Variants in MYL10 observed in about 807,000 individuals in gnomAD.
The protein encoded by MYL10 is myosin light chain 10.
In MYL10, 18 loss-of-function variants were observed where a neutral mutation model predicts 21.9. The observed-to-expected ratio is 0.82, with a 90% CI of 0.57 to 1.22. MYL10 has a LOEUF of 1.22. Among genes scored for constraint, MYL10 ranks in the 50% most tolerant of loss-of-function variants. The pLI, the probability that MYL10 is intolerant of heterozygous loss-of-function variation, is 0.00. For synonymous variants in MYL10, 88 were observed against 82.8 expected, an observed-to-expected ratio of 1.06 and a Z score of -0.34; for missense variants, 225 against 230.4, an observed-to-expected ratio of 0.98 and a Z score of 0.15.
At position 101,613,542 on chromosome 7, in the gene MYL10, T is replaced by A; in HGVS notation, c.614A>T (p.Asp205Val). The A allele has an allele frequency of 6.2e-7, 1 of 1,614,092 alleles. No individual in the cohort carries two copies. Among genetic ancestry groups the A allele is most frequent in the Middle Eastern group, 1.6e-4 (1 of 6,062 alleles). The change falls in exon 8 of 8, where the codon GAT becomes GTT. Residue 205 changes from aspartate to valine, a missense_variant. Transcript: ENST00000223167. ...VKQMFAAFPP[D>V]VCGNLDYRNL... ...TCTGTAGTCCAGGTTGCCGCACACATCTGGGGGAAATGCTGCAAACATCTG... is the reference window on the plus strand; with the variant it reads ...TCTGTAGTCCAGGTTGCCGCACACAACTGGGGGAAATGCTGCAAACATCTG...
rs201884702 is a variant in MYL10, at chr7:101,616,226, G to C, written c.527C>G (p.Ala176Gly). The C allele has an allele frequency of 1.2e-6, 2 of 1,614,008 alleles. No homozygotes were observed. Among genetic ancestry groups the C allele is most frequent in the Non-Finnish European group, 1.7e-6 (2 of 1,179,890 alleles). Residue 176 changes from alanine to glycine, a missense_variant, in exon 6 of 8, where the codon GCC becomes GGC. By Grantham distance (60) the Ala-to-Gly change is moderately conservative. Transcript: ENST00000223167. ...FDTEGKGFVK[A>G]DVIKEKLMTQ... ...GGAGTCAGGGGAAACTTACACATCG[G>C]CCTTGACGAAACCTTTCCCTTCAGT... is the stretch of plus-strand genomic sequence containing the variant.
chr7:101,618,117 G>C (rs1208979489), intron 5 of MYL10, among the ~76,000 whole-genome samples: 1 of 152,256 alleles, frequency 6.6e-6, no homozygotes, highest in African/African-American at 2.4e-5. Flanking sequence ...CTGGCACAGA[G>C]TGAAAAAACC....
At position 101,616,242 on chromosome 7, in the gene MYL10, T is replaced by C; in HGVS notation, c.511A>G (p.Lys171Glu). 1 of 1,614,084 alleles carries C rather than the reference T, an allele frequency of 6.2e-7. No individual in the cohort carries two copies. Among genetic ancestry groups the C allele is most frequent in the Non-Finnish European group, 8.5e-7 (1 of 1,179,982 alleles). The change falls in exon 6 of 8, where the codon AAA (lysine) becomes GAA (glutamate). Residue 171 changes from lysine to glutamate, a missense_variant. Coordinates refer to ENST00000223167, the MANE Select transcript of MYL10 (RefSeq NM_138403.5). ...TACACATCGGCCTTGACGAAACCTT[T>C]CCCTTCAGTGTCGAACACTTTGAAG... ...HAFKVFDTEG[K>E]GFVKADVIKE... is the part of the protein sequence containing the mutation.
In MYL10 at chr7:101,624,252, C is replaced by T. The variant is rs755508401; in HGVS notation, c.91G>A (p.Ala31Thr). Residue 31 changes from alanine to threonine, a missense_variant, in exon 2 of 8, where the codon GCT (alanine) becomes ACT (threonine). Transcript: ENST00000223167. ...GCGGTGCCTTCTGCTCTTTTCCGAG[C>T]TCTTCTCGGTGCCTGCGAGGTAGCA... is the stretch of plus-strand genomic sequence containing the variant. Reference protein sequence around the residue: ...KVLGLQAPRRARKRAEGTASS... With the variant: ...KVLGLQAPRRTRKRAEGTASS... The T allele has an allele frequency of 6.2e-7, 1 of 1,613,548 alleles. No individual in the cohort carries two copies. Among genetic ancestry groups the T allele is most frequent in the South Asian group, 1.1e-5 (1 of 91,064 alleles).
chr7:101,614,887 A>T (rs755172497), intron 6 of MYL10, among the ~76,000 whole-genome samples: 2 of 152,120 alleles, frequency 1.3e-5, no homozygotes, highest in Non-Finnish European at 1.5e-5. Flanking sequence ...ACAGTAATTG[A>T]TCAGGAAGCC....
intron 3 of MYL10, 41 bp downstream of exon 3, chr7:101,623,879 A>C: frequency 3.8e-6 from 1 of 263,080 alleles, no homozygotes; most frequent in Middle Eastern, 1.4e-3. Context: ...AATTCAAAAA[A>C]TTAGCTGGGC....
intron 6 of MYL10, 25 bp from the exon 7 acceptor site, chr7:101,613,735 T>C (rs767342478): frequency 6.2e-7 from 1 of 1,613,408 alleles, no homozygotes; most frequent in Non-Finnish European, 8.5e-7. Context: ...GACACAGTCA[T>C]GTTCAGGGAA....
At chr7:101,627,973 T>C (rs1796766494) in intron 1 of MYL10, among the ~76,000 whole-genome samples, 1 of 152,088 alleles carries the variant, frequency 6.6e-6, no homozygotes, top group Non-Finnish European at 1.5e-5. Context: ...AGCCATCTCA[T>C]AGGAATAGGG....
At chr7:101,614,059 G>C (rs1796581096) in intron 6 of MYL10, among the ~76,000 whole-genome samples, 1 of 151,862 alleles carries the variant, frequency 6.6e-6, no homozygotes, top group Non-Finnish European at 1.5e-5. Context: ...TCTTTTGCCT[G>C]ATTCTGGACA....
Position 101,613,655 on chromosome 7 carries a change from A to G in MYL10, c.582+7T>C. ...ATCCGCCGTGACCCACCAGAATCCC[A>G]GTTTACCTCCTCCTCACTGAAGCGG... On this transcript the variant is annotated splice_region_variant and intron_variant, in intron 7 of 7. Coordinates refer to ENST00000223167, the MANE Select transcript of MYL10 (RefSeq NM_138403.5). 6.2e-7 allele frequency: 1 copy of G among 1,614,060 alleles called. No individual in the cohort carries two copies. The highest frequency in any genetic ancestry group is 8.5e-7 in the Non-Finnish European group (1 of 1,179,996).
intron 1 of MYL10, among the ~76,000 whole-genome samples, chr7:101,626,606 C>T (rs1584542923): frequency 6.6e-6 from 1 of 152,142 alleles, no homozygotes; most frequent in African/African-American, 2.4e-5. Flanking sequence ...ATGAGGTGCA[C>T]AGGCAAAGGT....
Position 101,624,233 on chromosome 7 carries a change from C to G in MYL10, c.110G>C (p.Gly37Ala), listed in dbSNP as rs771747116. 1.9e-6 allele frequency: 3 copies of G among 1,613,832 alleles called. No homozygotes were observed. The highest frequency in any genetic ancestry group is 2.5e-6 in the Non-Finnish European group (3 of 1,179,934). Reference protein sequence around the residue: ...APRRARKRAEGTASSNVFSMF... With the variant: ...APRRARKRAEATASSNVFSMF... ...GGAGAAGACGTTGGAGCTGGCGGTG[C>G]CTTCTGCTCTTTTCCGAGCTCTTCT... The change falls in exon 2 of 8, where the codon GGC becomes GCC. Residue 37 changes from glycine (G) to alanine (A), a missense_variant. By Grantham distance (60) the Gly-to-Ala change is moderately conservative. Coordinates refer to ENST00000223167, the MANE Select transcript of MYL10 (RefSeq NM_138403.5).
At chr7:101,626,906 G>A (rs750845712) in intron 1 of MYL10, among the ~76,000 whole-genome samples, 1 of 152,192 alleles carries the variant, frequency 6.6e-6, no homozygotes, top group Non-Finnish European at 1.5e-5. Flanking sequence ...ATCAGATTAA[G>A]GTCAGGAAGG....
At chr7:101,613,886 G>A (rs1029790080) in intron 6 of MYL10, among the ~76,000 whole-genome samples, 176 bp from the exon 7 acceptor site, 1 of 152,070 alleles carries the variant, frequency 6.6e-6, no homozygotes, top group African/African-American at 2.4e-5. Context: ...CTGAACCTCG[G>A]TTTTCTCCTC....
rs77677181 is a variant in MYL10, at chr7:101,621,362, G to C, written c.454+734C>G. 7.3e-3 allele frequency among the ~76,000 whole-genome samples: 1,107 copies of C among 152,164 alleles called. 11 individuals are homozygous for C. The highest frequency in any genetic ancestry group is 0.025 in the African/African-American group (1,054 of 41,514). On this transcript the variant is annotated intron_variant, in intron 5 of 7. Transcript: ENST00000223167. Reference sequence around the variant, plus strand: ...AATGAGGCTCCCCGATCCTTCCTCTGGGGGCTCCAGTGACCACAGAAAAAG... The same window carrying C: ...AATGAGGCTCCCCGATCCTTCCTCTCGGGGCTCCAGTGACCACAGAAAAAG...
At chr7:101,621,114 C>A (rs893956626) in intron 5 of MYL10, among the ~76,000 whole-genome samples, 4 of 152,042 alleles carry the variant, frequency 2.6e-5, no homozygotes, top group African/African-American at 9.7e-5. Flanking sequence ...GACCACGGAA[C>A]CCTCAAGCTC....
At chr7:101,615,104 GC>G (rs1016878886) in intron 6 of MYL10, among the ~76,000 whole-genome samples, 2 of 152,062 alleles carry the variant, frequency 1.3e-5, no homozygotes, top group Non-Finnish European at 2.9e-5. Context: ...CATGATGGCA[GC>G]CCCGGTGCCT....
chr7:101,620,348 G>C (rs551290526), intron 5 of MYL10, among the ~76,000 whole-genome samples: 182 of 152,104 alleles, frequency 1.2e-3, no homozygotes, highest in Non-Finnish European at 2.1e-3. Context: ...AATAAACAAA[G>C]AGGCAGGTGG....
intron 1 of MYL10, among the ~76,000 whole-genome samples, chr7:101,624,602 C>A (rs958390884): frequency 6.6e-6 from 1 of 152,220 alleles, no homozygotes; most frequent in Non-Finnish European, 1.5e-5. Context: ...ACCCCGGCAT[C>A]CTCCACTACA....
Sources: allele counts gnomAD v4.1 joint callset (sites outside exome capture counted in the v4.1 genomes callset), GRCh38; gene constraint gnomAD v4.1.1; transcripts MANE v1.5; gene names NCBI Gene and HGNC (gene_info 2026-07-23, HGNC 2026-07-21).